Variants in CALN1 observed in about 807,000 individuals in gnomAD.
The protein encoded by CALN1 is calcium-binding protein 8.
Under a neutral mutation model 30.6 loss-of-function variants are expected in CALN1, and 17 were observed. The observed-to-expected ratio is 0.56, with a 90% CI of 0.38 to 0.83. The LOEUF (loss-of-function observed/expected upper bound fraction) is 0.83, where lower values mean the gene tolerates loss of function less well. Among genes scored for constraint, CALN1 ranks in the 40% least tolerant of loss-of-function variants. CALN1 has a pLI of 0.00. For missense variants in CALN1, 291 were observed against 354.9 expected (o/e 0.82, Z 1.45); for synonymous variants, 156 against 131.4 (o/e 1.19, Z -1.28).
chr7:71,846,628 C>T (rs1790253118), intron 5 of CALN1, among the ~76,000 whole-genome samples: 1 of 151,220 alleles, frequency 6.6e-6, no homozygotes, highest in African/African-American at 2.4e-5. Flanking sequence ...TACAGGGTAA[C>T]CCTCCTTCTA....
intron 3 of CALN1, among the ~76,000 whole-genome samples, chr7:72,168,325 G>A (rs1014876554): frequency 1.3e-5 from 2 of 151,970 alleles, no homozygotes; most frequent in Non-Finnish European, 2.9e-5. Flanking sequence ...GTAGGGTGGA[G>A]AATCAAAGGT....
intron 5 of CALN1, among the ~76,000 whole-genome samples, chr7:71,973,150 T>C (rs1190895730): frequency 6.6e-6 from 1 of 152,020 alleles, no homozygotes; most frequent in African/African-American, 2.4e-5. Context: ...GCACATTCCC[T>C]GAAAATTGAA....
chr7:71,968,884 T>C (rs75368270), intron 5 of CALN1, among the ~76,000 whole-genome samples: 1 of 106,658 alleles, frequency 9.4e-6, no homozygotes, highest in Admixed American at 1.0e-4. Flanking sequence ...ACCTCTACAA[T>C]TTTTTTTTTT....
intron 2 of CALN1, among the ~76,000 whole-genome samples, chr7:72,362,023 G>A (rs1803603543): frequency 6.6e-6 from 1 of 152,016 alleles, no homozygotes; most frequent in Non-Finnish European, 1.5e-5. Flanking sequence ...AAACAGGAGA[G>A]AAAATTTCCT....
intron 1 of CALN1, among the ~76,000 whole-genome samples, chr7:72,441,223 G>A (rs889494356): frequency 5.3e-5 from 8 of 152,154 alleles, no homozygotes; most frequent in African/African-American, 1.9e-4. Flanking sequence ...GCTAAGGGAA[G>A]ATTCTTTTTA....
chr7:72,271,575 A>AAAAATAT lies in CALN1; in HGVS notation c.244+7110_244+7111insATATTTT. On this transcript the variant is annotated intron_variant, in intron 3 of 6. Coordinates refer to ENST00000395275, the MANE Select transcript of CALN1 (RefSeq NM_031468.4). Reference sequence around the variant, plus strand: ...CTGTGCCTGCCTTTTAAAAAAAAAAAATATATATATATATATATAGTTTTC... The same window carrying AAAAATAT: ...CTGTGCCTGCCTTTTAAAAAAAAAAAAAAATATATATATATATATATATATAGTTTTC... Among the ~76,000 whole-genome samples the AAAAATAT allele has an allele frequency of 3.8e-5, 2 of 52,130 alleles. 1 individual carries two copies. Among genetic ancestry groups the AAAAATAT allele is most frequent in the Non-Finnish European group, 6.2e-5 (2 of 32,370 alleles). 34.2% of individuals were successfully genotyped at this position (52,130 alleles called of 152,430 possible).
At chr7:72,195,185 AT>A (rs1457274179) in intron 3 of CALN1, among the ~76,000 whole-genome samples, 4 of 152,184 alleles carry the variant, frequency 2.6e-5, no homozygotes, top group African/African-American at 9.6e-5. Context: ...CACTCACCTA[AT>A]ATCTGTGCAG....
the CALN1 span, among the ~76,000 whole-genome samples, chr7:72,487,713 AAAAG>A: frequency 6.2e-3 from 429 of 68,688 alleles, 9 homozygotes; most frequent in South Asian, 0.019. Context: ...AAAAGAAAAG[AAAAG>A]AAAGAAAGAA....
chr7:72,317,085 A>T (rs1800522110), intron 2 of CALN1, among the ~76,000 whole-genome samples: 1 of 35,626 alleles, frequency 2.8e-5, no homozygotes, highest in Non-Finnish European at 4.8e-5. Flanking sequence ...ACAGAAAGAG[A>T]GAGAGAGAGG....
intron 4 of CALN1, among the ~76,000 whole-genome samples, chr7:72,047,962 A>G (rs1171422826): frequency 6.6e-6 from 1 of 151,910 alleles, no homozygotes; most frequent in Non-Finnish European, 1.5e-5. Flanking sequence ...GCAAAGTAAG[A>G]GATGCTCATA....
In CALN1 at chr7:72,421,573, CTTTTTTTTTTTTTTTTT is replaced by C. The variant is rs772198450; in HGVS notation, c.-225-9315_-225-9299del. Among the ~76,000 whole-genome samples the C allele has an allele frequency of 1.7e-4, 10 of 58,616 alleles. No homozygotes were observed. In the Admixed American group the frequency reaches 2.0e-3, roughly 12 times the overall value. The allele number at this position is 58,616 out of a possible 152,430, so 38.5% of individuals were successfully genotyped here. ...GATGATAAGATTTCATTTTATCCTACTTTTTTTTTTTTTTTTTTTTTTTTTTTTAGACTAAGTCTTGC... is the reference window on the plus strand; with the variant it reads ...GATGATAAGATTTCATTTTATCCTACTTTTTTTTTTTAGACTAAGTCTTGC... On this transcript the variant is annotated intron_variant, in intron 1 of 6. Coordinates refer to the CALN1 transcript ENST00000395276.
the CALN1 span, among the ~76,000 whole-genome samples, chr7:72,485,989 C>T: frequency 1.3e-5 from 2 of 152,114 alleles, no homozygotes; most frequent in East Asian, 1.9e-4. Context: ...CTCACTCTGT[C>T]GCCATTGTTA....
intron 3 of CALN1, among the ~76,000 whole-genome samples, chr7:72,156,167 A>C (rs531435806): frequency 6.6e-6 from 1 of 152,294 alleles, no homozygotes; most frequent in East Asian, 1.9e-4. Flanking sequence ...GAAGAGGACA[A>C]ACCAAGGAGA....
chr7:72,480,496 T>C, the CALN1 span, among the ~76,000 whole-genome samples: 1 of 152,194 alleles, frequency 6.6e-6, no homozygotes, highest in Admixed American at 6.5e-5. Context: ...CTTATTTTGG[T>C]ATTAGAGTAA....
At chr7:72,406,478 T>G (rs1002751156) in intron 1 of CALN1, among the ~76,000 whole-genome samples, 1 of 152,182 alleles carries the variant, frequency 6.6e-6, no homozygotes, top group Non-Finnish European at 1.5e-5. Flanking sequence ...CCAGAATTTG[T>G]CCTCTAAAGT....
chr7:72,222,750 G>A (rs1156321428), intron 3 of CALN1, among the ~76,000 whole-genome samples: 2 of 152,178 alleles, frequency 1.3e-5, no homozygotes, highest in Non-Finnish European at 2.9e-5. Context: ...GCCAGGCGTG[G>A]TGGCTCATAC....
chr7:72,310,929 C>T (rs59848109), intron 2 of CALN1, among the ~76,000 whole-genome samples: 5 of 120,430 alleles, frequency 4.2e-5, no homozygotes, highest in African/African-American at 1.5e-4. Context: ...AAAAAAAAAA[C>T]AAAAATAAAG....
intron 4 of CALN1, among the ~76,000 whole-genome samples, chr7:72,066,725 G>A (rs1242434834): frequency 1.3e-5 from 2 of 151,910 alleles, no homozygotes; most frequent in Non-Finnish European, 2.9e-5. Flanking sequence ...TAATCCTCCT[G>A]CCTCAGCCTC....
intron 5 of CALN1, among the ~76,000 whole-genome samples, chr7:71,953,037 G>C (rs1203149240): frequency 1.3e-5 from 2 of 152,118 alleles, no homozygotes. Context: ...GCTCACTGCA[G>C]CCTCAAACTC....
Sources: allele counts gnomAD v4.1 joint callset (sites outside exome capture counted in the v4.1 genomes callset), GRCh38; gene constraint gnomAD v4.1.1; transcripts MANE v1.5; gene names NCBI Gene and HGNC (gene_info 2026-07-23, HGNC 2026-07-21).